Variants in CHST9 observed in about 807,000 individuals in gnomAD.
The protein encoded by CHST9 is carbohydrate sulfotransferase 9.
In CHST9, 41 loss-of-function variants were observed where a neutral mutation model predicts 44.4. That is an observed-to-expected ratio of 0.92 (90% confidence interval 0.72 to 1.20). CHST9 has a LOEUF of 1.20. Ranked by LOEUF, CHST9 falls within the 50% of genes most tolerant of loss-of-function variation. CHST9 has a pLI of 0.00. For synonymous variants in CHST9, 171 were observed against 178.4 expected, an observed-to-expected ratio of 0.96 and a Z score of 0.33; for missense variants, 504 against 516.5, an observed-to-expected ratio of 0.98 and a Z score of 0.23.
intron 4 of CHST9, among the ~76,000 whole-genome samples, chr18:27,018,974 C>T (rs1038877439): frequency 4.6e-5 from 7 of 152,158 alleles, no homozygotes; most frequent in South Asian, 2.1e-4. Context: ...TCTCATTCTC[C>T]GGAGAAACTG....
intron 1 of CHST9, among the ~76,000 whole-genome samples, chr18:27,165,318 T>G (rs867740284): frequency 1.3e-5 from 2 of 152,162 alleles, no homozygotes; most frequent in African/African-American, 4.8e-5. Flanking sequence ...AGGAAAAAAT[T>G]AGATGAAGCT....
At chr18:27,132,695 G>A (rs1470343884) in intron 2 of CHST9, among the ~76,000 whole-genome samples, 2 of 152,144 alleles carry the variant, frequency 1.3e-5, no homozygotes, top group Admixed American at 6.5e-5. Context: ...AGAGAAAATG[G>A]GGTCCATTAT....
At chr18:27,024,828 T>C (rs2057266465) in intron 3 of CHST9, among the ~76,000 whole-genome samples, 1 of 152,108 alleles carries the variant, frequency 6.6e-6, no homozygotes, top group African/African-American at 2.4e-5. Context: ...AGGTTTTCCT[T>C]GAACGGGTGA....
intron 2 of CHST9, among the ~76,000 whole-genome samples, chr18:27,100,142 C>T (rs542902754): frequency 2.0e-4 from 31 of 151,922 alleles, no homozygotes; most frequent in Non-Finnish European, 3.2e-4. Context: ...TTATTCTAAG[C>T]GAATTAATGT....
chr18:26,932,531 G>C (rs1030093764), intron 5 of CHST9, among the ~76,000 whole-genome samples: 1 of 151,484 alleles, frequency 6.6e-6, no homozygotes, highest in South Asian at 2.1e-4. Context: ...GGAGCTGTGT[G>C]TGTTAGCTGG....
chr18:27,143,349 T>A (rs2058584294), intron 1 of CHST9, among the ~76,000 whole-genome samples: 1 of 152,172 alleles, frequency 6.6e-6, no homozygotes, highest in Non-Finnish European at 1.5e-5. Context: ...AATATCATTT[T>A]TCTCTCATAT....
intron 5 of CHST9, among the ~76,000 whole-genome samples, chr18:26,930,428 CA>C (rs1274904684): frequency 6.6e-6 from 1 of 152,180 alleles, no homozygotes; most frequent in Non-Finnish European, 1.5e-5. Context: ...AGAGCACTAA[CA>C]AAACTAAGCG....
Position 26,916,824 on chromosome 18 carries a change from T to C in CHST9, c.767A>G (p.Lys256Arg). 8 of 1,613,938 alleles carry C rather than the reference T, an allele frequency of 5.0e-6. No individual in the cohort carries two copies. Among genetic ancestry groups the C allele is most frequent in the Non-Finnish European group, 6.8e-6 (8 of 1,179,862 alleles). ...TTTTAGGTCAAAGCTATCTAGCTTC[T>C]TCAAATGCTTCCCGTAGTGGACAGC... ...HNAVHYGKHL[K>R]KLDSFDLKGI... The change falls in exon 6 of 6, where the codon AAG becomes AGG. Residue 256 changes from lysine to arginine, a missense_variant. Coordinates refer to ENST00000618847, the MANE Select transcript of CHST9 (RefSeq NM_031422.6).
intron 2 of CHST9, among the ~76,000 whole-genome samples, chr18:27,081,814 C>T (rs950992451): frequency 5.3e-5 from 8 of 152,162 alleles, no homozygotes; most frequent in Non-Finnish European, 1.2e-4. Flanking sequence ...TGTGTTAATT[C>T]TATCTTGTTT....
chr18:27,037,599 A>G (rs965620945), intron 3 of CHST9, among the ~76,000 whole-genome samples: 3 of 152,212 alleles, frequency 2.0e-5, no homozygotes, highest in African/African-American at 4.8e-5. Context: ...AGGCTGAGGC[A>G]GGAGGATTAC....
At chr18:27,064,994 T>C (rs1383011956) in intron 2 of CHST9, among the ~76,000 whole-genome samples, 1 of 152,208 alleles carries the variant, frequency 6.6e-6, no homozygotes, top group African/African-American at 2.4e-5. Context: ...GTCTGTAATG[T>C]ATAAACTTGA....
At chr18:27,050,347 C>T (rs1386767446) in intron 2 of CHST9, among the ~76,000 whole-genome samples, 2 of 152,110 alleles carry the variant, frequency 1.3e-5, no homozygotes, top group South Asian at 2.1e-4. Context: ...ATGAACACCA[C>T]GGTGGAGGTG....
chr18:26,939,027 C>T (rs1416064487), intron 5 of CHST9, among the ~76,000 whole-genome samples: 1 of 152,112 alleles, frequency 6.6e-6, no homozygotes, highest in African/African-American at 2.4e-5. Flanking sequence ...TGATCGAGTT[C>T]TTATGATATG....
intron 3 of CHST9, among the ~76,000 whole-genome samples, chr18:27,037,063 C>A (rs55889158): frequency 1.3e-5 from 2 of 152,094 alleles, no homozygotes; most frequent in East Asian, 3.9e-4. Context: ...TTAGAGAGGT[C>A]CTTCATCAAT....
chr18:26,942,391 A>G (rs908318071), intron 5 of CHST9, among the ~76,000 whole-genome samples: 3 of 152,164 alleles, frequency 2.0e-5, no homozygotes, highest in African/African-American at 7.2e-5. Flanking sequence ...TTAAAATATT[A>G]AGACCTTTCC....
At chr18:27,102,335 T>G (rs1460466547) in intron 2 of CHST9, among the ~76,000 whole-genome samples, 1 of 152,192 alleles carries the variant, frequency 6.6e-6, no homozygotes, top group African/African-American at 2.4e-5. Context: ...TAGAACAGAT[T>G]GATGGCCATG....
At chr18:26,958,446 C>T (rs1031107870) in intron 4 of CHST9, among the ~76,000 whole-genome samples, 6 of 141,740 alleles carry the variant, frequency 4.2e-5, no homozygotes, top group African/African-American at 1.7e-4. Flanking sequence ...ACTAAGCCCT[C>T]AAAAGTAACT....
chr18:27,142,956 C>G (rs2058580601), intron 1 of CHST9, 51 bp from the exon 2 acceptor site: 3 of 660,678 alleles, frequency 4.5e-6, no homozygotes, highest in Non-Finnish European at 7.3e-6. Flanking sequence ...AATATTAATT[C>G]TCAAATACGG....
chr18:27,069,787 C>T (rs186162193), intron 2 of CHST9, among the ~76,000 whole-genome samples: 4 of 152,098 alleles, frequency 2.6e-5, no homozygotes, highest in Admixed American at 2.0e-4. Context: ...GATTTGGGGG[C>T]TACCTAAACT....
Sources: allele counts gnomAD v4.1 joint callset (sites outside exome capture counted in the v4.1 genomes callset), GRCh38; gene constraint gnomAD v4.1.1; transcripts MANE v1.5; gene names NCBI Gene and HGNC (gene_info 2026-07-23, HGNC 2026-07-21).